Variants in RCSD1 observed in about 807,000 individuals in gnomAD.
RCSD1 encodes the protein RCSD domain containing 1, also known as capZ-interacting protein.
Under a neutral mutation model 42.5 loss-of-function variants are expected in RCSD1, and 26 were observed. The observed-to-expected ratio is 0.61, with a 90% CI of 0.45 to 0.85. RCSD1 has a LOEUF of 0.85. Ranked by LOEUF, RCSD1 falls within the 40% of genes least tolerant of loss-of-function variation. The pLI is 0.00. For missense variants in RCSD1, 571 were observed against 528.3 expected (o/e 1.08, Z -0.79); for synonymous variants, 220 against 212.2 (o/e 1.04, Z -0.32).
Position 167,704,779 on chromosome 1 carries a change from C to A in RCSD1, c.*83C>A. 2.2e-6 allele frequency: 3 copies of A among 1,393,476 alleles called. No individual in the cohort carries two copies. Among genetic ancestry groups the A allele is most frequent in the African/African-American group, 1.4e-5 (1 of 70,732 alleles). The allele number at this position is 1,393,476 out of a possible 1,614,324, so 86.3% of individuals were successfully genotyped here. A position where few individuals can be genotyped will look rare whatever the true frequency, so the allele number is the denominator to read the frequency against. ...CAGCAACAGTTGTAGCAGCAGCAGA[C>A]GAAGCCATTGCAGAGGCAGAATATG... On this transcript the variant is annotated 3_prime_UTR_variant, in exon 7 of 7. Coordinates refer to ENST00000367854, the MANE Select transcript of RCSD1 (RefSeq NM_052862.4).
intron 1 of RCSD1, among the ~76,000 whole-genome samples, chr1:167,666,470 G>C (rs1658658901): frequency 6.6e-6 from 1 of 152,204 alleles, no homozygotes; most frequent in Non-Finnish European, 1.5e-5. Flanking sequence ...TTTCTAAAGA[G>C]AGACAGTGAG....
chr1:167,678,738 C>T (rs60378099), intron 1 of RCSD1, among the ~76,000 whole-genome samples: 4,335 of 152,242 alleles, frequency 0.028, 219 homozygotes, highest in African/African-American at 0.099. Flanking sequence ...ACAAACTGCG[C>T]GCTCTGGTCC....
At chr1:167,678,005 G>T (rs1658991044) in intron 1 of RCSD1, among the ~76,000 whole-genome samples, 1 of 152,172 alleles carries the variant, frequency 6.6e-6, no homozygotes, top group Non-Finnish European at 1.5e-5. Flanking sequence ...TGCAGTCTGA[G>T]GTTTATTTTC....
intron 1 of RCSD1, among the ~76,000 whole-genome samples, chr1:167,669,632 G>A (rs1458487011): frequency 6.6e-6 from 1 of 152,186 alleles, no homozygotes; most frequent in African/African-American, 2.4e-5. Context: ...GCATGTACTC[G>A]GTGCTCAGGA....
At chr1:167,679,834 G>A (rs553526557) in intron 1 of RCSD1, among the ~76,000 whole-genome samples, 1 of 152,336 alleles carries the variant, frequency 6.6e-6, no homozygotes, top group African/African-American at 2.4e-5. Context: ...GAAGCAGGTA[G>A]AGCCTAGTCT....
intron 1 of RCSD1, among the ~76,000 whole-genome samples, chr1:167,652,713 T>C (rs1658341331): frequency 6.7e-6 from 1 of 149,466 alleles, no homozygotes; most frequent in South Asian, 2.1e-4. Flanking sequence ...GCATGGGGGA[T>C]TTTTTTTTAG....
chr1:167,663,775 G>A (rs1415856119), intron 1 of RCSD1: 1 of 152,240 alleles, frequency 6.6e-6, no homozygotes, highest in Non-Finnish European at 1.5e-5. Flanking sequence ...GAGTGCAAGG[G>A]AGCCCACATT....
chr1:167,658,396 C>CTGGAAGT (rs1012945032), intron 1 of RCSD1, among the ~76,000 whole-genome samples: 6 of 151,852 alleles, frequency 4.0e-5, no homozygotes, highest in African/African-American at 1.2e-4. Context: ...ACAATTTTTC[C>CTGGAAGT]TGGAAGTTGG....
At position 167,704,702 on chromosome 1, in the gene RCSD1, A is replaced by G. The variant is rs1293054287; in HGVS notation, c.*6A>G. The G allele has an allele frequency of 1.9e-6, 3 of 1,612,426 alleles. No individual in the cohort carries two copies. In the African/African-American group the frequency reaches 4.0e-5, roughly 22 times the overall value. On this transcript the variant is annotated 3_prime_UTR_variant, in exon 7 of 7. Coordinates refer to ENST00000367854, the MANE Select transcript of RCSD1 (RefSeq NM_052862.4). ...TCCAGGACACTAAAATGTGAAGAAC[A>G]GCTCATTGTGCCCCAGTGATGAAGT...
chr1:167,642,178 T>C (rs927571343), intron 1 of RCSD1, among the ~76,000 whole-genome samples: 2 of 152,192 alleles, frequency 1.3e-5, no homozygotes, highest in Admixed American at 6.5e-5. Flanking sequence ...GGCCTCCAAA[T>C]GATGAGAGCT....
At position 167,669,892 on chromosome 1, in the gene RCSD1, G is replaced by C. The variant is rs1020186403; in HGVS notation, c.7-14008G>C. 5.1e-4 allele frequency among the ~76,000 whole-genome samples: 77 copies of C among 152,248 alleles called. 1 individual carries two copies. The highest frequency in any genetic ancestry group is 1.7e-3 in the African/African-American group (70 of 41,536). ...GCTACAGCTGACTGGGATGCAGACC[G>C]GGGGCTGGGTCCTTAGGAAATTTGT... is the stretch of plus-strand genomic sequence containing the variant. On this transcript the variant is annotated intron_variant, in intron 1 of 6. Transcript: ENST00000367854.
chr1:167,649,479 C>G (rs1359912392), intron 1 of RCSD1, among the ~76,000 whole-genome samples: 2 of 152,196 alleles, frequency 1.3e-5, no homozygotes, highest in Non-Finnish European at 2.9e-5. Context: ...TGGGGTGTTA[C>G]AGCTCTCAAA....
chr1:167,704,584 C>G, intron 6 of RCSD1, 80 bp from the exon 7 acceptor site: 1 of 1,183,180 alleles, frequency 8.5e-7, no homozygotes, highest in East Asian at 2.3e-5. Flanking sequence ...TTGCCAGATC[C>G]ATCATCCCCA....
intron 1 of RCSD1, among the ~76,000 whole-genome samples, chr1:167,648,072 T>C (rs961590477): frequency 3.3e-5 from 5 of 152,220 alleles, no homozygotes; most frequent in Admixed American, 1.3e-4. Flanking sequence ...TCTTACATAA[T>C]TTTAATCAGT....
chr1:167,657,713 A>T (rs1658453747), intron 1 of RCSD1, among the ~76,000 whole-genome samples: 1 of 152,094 alleles, frequency 6.6e-6, no homozygotes, highest in African/African-American at 2.4e-5. Flanking sequence ...TTTTCCAGGT[A>T]TTTGTTCCCC....
chr1:167,697,721 A>G lies in RCSD1; in HGVS notation c.1097A>G (p.Lys366Arg). The G allele has an allele frequency of 6.3e-7, 1 of 1,589,778 alleles. No individual in the cohort carries two copies. The highest frequency in any genetic ancestry group is 8.6e-7 in the Non-Finnish European group (1 of 1,169,566). Residue 366 changes from lysine (K) to arginine (R), a missense_variant, in exon 6 of 7, where the codon AAA becomes AGA. By Grantham distance (26) the Lys-to-Arg change is conservative. Coordinates refer to ENST00000367854, the MANE Select transcript of RCSD1 (RefSeq NM_052862.4). ...GGCGGAGATGTCCCCAAGCAGGAAA[A>G]AGGCAAGGAAAAACAACAGGAGGGG... ...VKGGDVPKQE[K>R]GKEKQQEGAV...
rs1571117507 is a variant in RCSD1 at position 167,708,495 on chromosome 1, A to C, written c.*3799A>C. On this transcript the variant is annotated 3_prime_UTR_variant, in exon 7 of 7. Transcript: ENST00000367854. ...ATGAAGATGTCAAGAGCACTGAACA[A>C]AATCCAAATGCTCACATAAAATGGG... Among the ~76,000 whole-genome samples, 2 of 152,200 alleles carry C rather than the reference A, an allele frequency of 1.3e-5. No homozygotes were observed. The highest frequency in any genetic ancestry group is 4.8e-5 in the African/African-American group (2 of 41,442).
intron 5 of RCSD1, among the ~76,000 whole-genome samples, chr1:167,696,111 A>C (rs974330911): frequency 4.0e-5 from 6 of 151,838 alleles, no homozygotes; most frequent in Non-Finnish European, 8.8e-5. Flanking sequence ...CAAGAGAGGA[A>C]GCTGGTCACC....
chr1:167,662,745 G>C (rs747373875), intron 1 of RCSD1, among the ~76,000 whole-genome samples: 1 of 152,208 alleles, frequency 6.6e-6, no homozygotes. Flanking sequence ...GAGGAGGAGG[G>C]ATGGGATTCT....
Sources: gnomAD v4.1 joint callset for allele counts (sites outside exome capture counted in the v4.1 genomes callset) on GRCh38, gnomAD v4.1.1 for gene constraint, MANE v1.5 for transcripts, NCBI Gene and HGNC (gene_info 2026-07-23, HGNC 2026-07-21) for gene names.